Variants in SLC4A4 observed in about 807,000 individuals in gnomAD.
The protein encoded by SLC4A4 is electrogenic sodium bicarbonate cotransporter 1.
In SLC4A4, 27 loss-of-function variants were observed where a neutral mutation model predicts 111.5. The ratio of observed to expected loss-of-function variants is 0.24; its 90% confidence interval spans 0.18 to 0.33. The LOEUF is 0.33. Ranked by LOEUF, SLC4A4 falls within the 10% of genes least tolerant of loss-of-function variation. The pLI is 1.00. For synonymous variants in SLC4A4, 443 were observed against 463.4 expected, an observed-to-expected ratio of 0.96 and a Z score of 0.57; for missense variants, 909 against 1,315.5, an observed-to-expected ratio of 0.69 and a Z score of 4.78.
chr4:71,533,399 A>G (rs1455503252), intron 17 of SLC4A4, among the ~76,000 whole-genome samples: 1 of 152,192 alleles, frequency 6.6e-6, no homozygotes, highest in Non-Finnish European at 1.5e-5. Context: ...GATGATGGGA[A>G]TGTCCTCAGA....
At chr4:71,462,147 G>A (rs1426301347) in intron 12 of SLC4A4, among the ~76,000 whole-genome samples, 1 of 152,110 alleles carries the variant, frequency 6.6e-6, no homozygotes, top group Non-Finnish European at 1.5e-5. Flanking sequence ...AAGCAGCCAA[G>A]GAAAAGAAAT....
intron 1 of SLC4A4, among the ~76,000 whole-genome samples, chr4:71,086,646 G>T (rs1017615016): frequency 3.3e-5 from 5 of 152,034 alleles, no homozygotes; most frequent in African/African-American, 1.2e-4. Flanking sequence ...GGCATTTTCT[G>T]CATCTATTGA....
In SLC4A4 at chr4:71,349,899, C is replaced by T. The variant is rs1359734370; in HGVS notation, c.390-13C>T. On this transcript the variant is annotated splice_polypyrimidine_tract_variant and intron_variant, in intron 4 of 25. Coordinates refer to ENST00000264485, the MANE Select transcript of SLC4A4 (RefSeq NM_001098484.3). ...ACACTTTTAATTGCTCTTCACTAAT[C>T]TCATCTTCCTAGGTGGATCAAGTTT... 1 of 1,613,870 alleles carries T rather than the reference C, an allele frequency of 6.2e-7. No homozygotes were observed. Among genetic ancestry groups the T allele is most frequent in the Non-Finnish European group, 8.5e-7 (1 of 1,179,818 alleles).
At chr4:71,419,687 G>A (rs925632313) in intron 7 of SLC4A4, among the ~76,000 whole-genome samples, 11 of 152,158 alleles carry the variant, frequency 7.2e-5, no homozygotes, top group South Asian at 2.1e-4. Flanking sequence ...GCTCGTGCAC[G>A]GTGCGCTGCA....
chr4:71,550,248 C>T (rs995911730), intron 20 of SLC4A4, among the ~76,000 whole-genome samples: 1 of 152,088 alleles, frequency 6.6e-6, no homozygotes, highest in Middle Eastern at 3.4e-3. Flanking sequence ...GTCAAGGATT[C>T]GCAGTTGTGA....
intron 1 of SLC4A4, among the ~76,000 whole-genome samples, chr4:71,212,028 A>T (rs894084580): frequency 6.6e-6 from 1 of 152,204 alleles, no homozygotes; most frequent in African/African-American, 2.4e-5. Flanking sequence ...AACTGTGAGG[A>T]TGTCTCACTG....
At chr4:71,299,808 G>C (rs1444169030) in intron 3 of SLC4A4, among the ~76,000 whole-genome samples, 1 of 152,170 alleles carries the variant, frequency 6.6e-6, no homozygotes, top group East Asian at 1.9e-4. Context: ...CCTTATGGGA[G>C]AGTCATACAC....
chr4:71,101,890 C>A (rs1270292861), intron 2 of SLC4A4, among the ~76,000 whole-genome samples: 6 of 151,952 alleles, frequency 3.9e-5, no homozygotes, highest in African/African-American at 1.5e-4. Flanking sequence ...GAACGCAGTT[C>A]CTCACCAGCA....
At chr4:71,375,669 C>A (rs2148940111) in intron 6 of SLC4A4, among the ~76,000 whole-genome samples, 1 of 152,236 alleles carries the variant, frequency 6.6e-6, no homozygotes, top group African/African-American at 2.4e-5. Context: ...TTCTTAAGGG[C>A]AGGAATGTGT....
At chr4:71,565,639 AC>A (rs1737405265) in intron 24 of SLC4A4, among the ~76,000 whole-genome samples, 1 of 151,852 alleles carries the variant, frequency 6.6e-6, no homozygotes, top group Admixed American at 6.6e-5. Flanking sequence ...AACAGACCAA[AC>A]CAAAGCAAAA....
At chr4:71,522,082 G>A (rs1417276369) in intron 16 of SLC4A4, among the ~76,000 whole-genome samples, 1 of 152,154 alleles carries the variant, frequency 6.6e-6, no homozygotes, top group African/African-American at 2.4e-5. Flanking sequence ...CAGTTCTACA[G>A]AGCCCTAATG....
At chr4:71,299,056 G>A (rs1371831019) in intron 3 of SLC4A4, among the ~76,000 whole-genome samples, 1 of 152,196 alleles carries the variant, frequency 6.6e-6, no homozygotes, top group African/African-American at 2.4e-5. Flanking sequence ...CATAATGTGA[G>A]CCTCATTTGT....
At chr4:71,475,724 C>A (rs1728304268) in intron 14 of SLC4A4, among the ~76,000 whole-genome samples, 1 of 151,864 alleles carries the variant, frequency 6.6e-6, no homozygotes, top group Admixed American at 6.6e-5. Context: ...ATCTTCCTAA[C>A]CTGTAAACTA....
chr4:71,463,744 G>C (rs981208618), intron 12 of SLC4A4, among the ~76,000 whole-genome samples: 1 of 152,078 alleles, frequency 6.6e-6, no homozygotes, highest in Non-Finnish European at 1.5e-5. Flanking sequence ...CTTGCTTCTT[G>C]GTTCCTTTAA....
chr4:71,186,651 C>G (rs948107298), upstream of SLC4A4: 2 of 151,584 alleles, frequency 1.3e-5, no homozygotes, highest in Admixed American at 6.6e-5. Flanking sequence ...CGGCTGACGC[C>G]GAGCAGCGGC....
At chr4:71,530,588 T>A (rs1202392259) in intron 16 of SLC4A4, among the ~76,000 whole-genome samples, 3 of 152,052 alleles carry the variant, frequency 2.0e-5, no homozygotes, top group African/African-American at 7.2e-5. Flanking sequence ...CCTCAGTATG[T>A]ACTTTTCAAG....
In SLC4A4 at chr4:71,390,925, G is replaced by A. The variant is rs189345452; in HGVS notation, c.731-6652G>A. Reference sequence around the variant, plus strand: ...TGGTAATAATAATACTAACCTCACAGTGTTGATATGAGGATTAAGTAAGAT... The same window carrying A: ...TGGTAATAATAATACTAACCTCACAATGTTGATATGAGGATTAAGTAAGAT... On this transcript the variant is annotated intron_variant, in intron 6 of 25. Transcript: ENST00000264485. Among the ~76,000 whole-genome samples, 398 of 152,204 alleles carry A rather than the reference G, an allele frequency of 2.6e-3. 1 individual carries two copies. The highest frequency in any genetic ancestry group is 6.8e-3 in the Middle Eastern group (2 of 294).
At chr4:71,530,805 T>G (rs1733848178) in intron 16 of SLC4A4, among the ~76,000 whole-genome samples, 1 of 152,158 alleles carries the variant, frequency 6.6e-6, no homozygotes. Context: ...GCTGCAGTAA[T>G]ACTATTCTCT....
At chr4:71,103,195 G>C (rs1407367011) in intron 2 of SLC4A4, among the ~76,000 whole-genome samples, 9 of 150,662 alleles carry the variant, frequency 6.0e-5, no homozygotes, top group African/African-American at 2.2e-4. Context: ...TAATGGTAAA[G>C]GGATCAATTC....
Sources: allele counts gnomAD v4.1 joint callset (sites outside exome capture counted in the v4.1 genomes callset), GRCh38; gene constraint gnomAD v4.1.1; transcripts MANE v1.5; gene names NCBI Gene and HGNC (gene_info 2026-07-23, HGNC 2026-07-21).